Variants in MAML2 observed in about 807,000 individuals in gnomAD.
The protein encoded by MAML2 is mastermind like transcriptional coactivator 2, also known as mastermind-like protein 2.
In MAML2, 22 loss-of-function variants were observed where a neutral mutation model predicts 96.1. The ratio of observed to expected loss-of-function variants is 0.23; its 90% CI spans 0.16 to 0.33. MAML2 has a LOEUF of 0.33. MAML2 is among the 10% of genes least tolerant of loss of function. The probability of loss-of-function intolerance (pLI) is 1.00; values close to 1 mark genes in which losing one functional copy is unlikely to be tolerated. For missense variants in MAML2, 1,367 were observed against 1,392.4 expected (o/e 0.98, Z 0.29); for synonymous variants, 561 against 521.3 (o/e 1.08, Z -1.04).
chr11:96,260,433 C>T (rs1045021454), intron 1 of MAML2, among the ~76,000 whole-genome samples: 10 of 152,076 alleles, frequency 6.6e-5, no homozygotes, highest in Non-Finnish European at 1.0e-4. Flanking sequence ...ACATTTTTTT[C>T]TTCAGTGTCT....
At chr11:96,086,302 C>T (rs866364592) in intron 2 of MAML2, among the ~76,000 whole-genome samples, 12 of 152,150 alleles carry the variant, frequency 7.9e-5, no homozygotes, top group African/African-American at 2.9e-4. Flanking sequence ...GGTTTCATCC[C>T]ATTGTGAAAC....
At chr11:96,156,455 TG>T (rs1861013116) in intron 1 of MAML2, among the ~76,000 whole-genome samples, 1 of 152,188 alleles carries the variant, frequency 6.6e-6, no homozygotes, top group Admixed American at 6.5e-5. Context: ...ATTGTTGGGA[TG>T]GCTGCCCCTG....
chr11:96,254,365 G>A (rs182399485), intron 1 of MAML2, among the ~76,000 whole-genome samples: 25 of 151,892 alleles, frequency 1.6e-4, no homozygotes, highest in Admixed American at 1.6e-3. Flanking sequence ...AGGGGCGAGT[G>A]GGAGTGCGAA....
chr11:96,212,108 A>AGTGTGTGTGTGTGTGT (rs72133828), intron 1 of MAML2, among the ~76,000 whole-genome samples: 19 of 134,242 alleles, frequency 1.4e-4, no homozygotes, highest in African/African-American at 4.0e-4. Flanking sequence ...AGGAAGACAA[A>AGTGTGTGTGTGTGTGT]GTGTGTGTGT....
intron 3 of MAML2, among the ~76,000 whole-genome samples, chr11:95,988,984 G>A (rs567930108): frequency 7.2e-5 from 11 of 152,206 alleles, no homozygotes; most frequent in South Asian, 4.1e-4. Flanking sequence ...GATAATTATA[G>A]GACCTCCCTC....
Position 96,342,523 on chromosome 11 carries a change from C to A in MAML2, c.-628G>T. The A allele has an allele frequency of 2.5e-6, 1 of 398,130 alleles. No individual in the cohort carries two copies. Among genetic ancestry groups the A allele is most frequent in the South Asian group, 1.3e-4 (1 of 7,622 alleles). 24.7% of individuals were successfully genotyped at this position (398,130 alleles called of 1,614,324 possible). A position where few individuals can be genotyped will look rare whatever the true frequency, so the allele number is the denominator to read the frequency against. ...GTCACTGTTCAAAATGTGCAAAAAT[C>A]AAGGGAGACTGTCTTTTGGCTTTTA... is the stretch of plus-strand genomic sequence containing the variant. On this transcript the variant is annotated 5_prime_UTR_variant, in exon 1 of 5. Coordinates refer to ENST00000524717, the MANE Select transcript of MAML2 (RefSeq NM_032427.4).
chr11:96,307,145 A>AG (rs2136001970), intron 1 of MAML2, among the ~76,000 whole-genome samples: 1 of 152,296 alleles, frequency 6.6e-6, no homozygotes, highest in South Asian at 2.1e-4. Context: ...TGGCAACATC[A>AG]CAGTCACCAA....
chr11:96,002,686 G>GAT, intron 2 of MAML2, among the ~76,000 whole-genome samples: 1 of 139,998 alleles, frequency 7.1e-6, no homozygotes, highest in South Asian at 2.4e-4. Context: ...TGATGGGGAT[G>GAT]GTGGGGAGCA....
chr11:96,258,311 A>G (rs1862696979), intron 1 of MAML2, among the ~76,000 whole-genome samples: 1 of 152,250 alleles, frequency 6.6e-6, no homozygotes, highest in Non-Finnish European at 1.5e-5. Context: ...CACTCCTGAC[A>G]TGGGAGAAAA....
intron 1 of MAML2, among the ~76,000 whole-genome samples, chr11:96,300,953 GAATA>G (rs1191970586): frequency 1.3e-5 from 2 of 152,176 alleles, no homozygotes; most frequent in African/African-American, 2.4e-5. Context: ...TGTACAATGA[GAATA>G]AATAGTTACC....
At chr11:96,008,191 G>A (rs1382738228) in intron 2 of MAML2, among the ~76,000 whole-genome samples, 6 of 136,914 alleles carry the variant, frequency 4.4e-5, no homozygotes, top group Admixed American at 7.1e-5. Context: ...ACAGATTTAC[G>A]TGAACTTTTA....
At chr11:96,097,411 T>C (rs931075324) in intron 1 of MAML2, among the ~76,000 whole-genome samples, 1 of 152,106 alleles carries the variant, frequency 6.6e-6, no homozygotes, top group Non-Finnish European at 1.5e-5. Context: ...TTTGGGTGGC[T>C]GGAAGAAAAG....
chr11:96,179,423 C>T (rs1320274744), intron 1 of MAML2, among the ~76,000 whole-genome samples: 3 of 152,022 alleles, frequency 2.0e-5, no homozygotes, highest in Non-Finnish European at 2.9e-5. Context: ...TTTCTTTAAC[C>T]CCCTCCTCCC....
intron 1 of MAML2, among the ~76,000 whole-genome samples, chr11:96,142,764 G>A (rs770388834): frequency 6.6e-6 from 1 of 152,116 alleles, no homozygotes; most frequent in East Asian, 1.9e-4. Context: ...TCCTCTTGAC[G>A]TATCTCTCCA....
intron 2 of MAML2, among the ~76,000 whole-genome samples, chr11:96,004,223 A>G (rs561981): frequency 0.24 from 35,976 of 152,060 alleles, 4,572 homozygotes; most frequent in East Asian, 0.39. Context: ...AACATTTTCT[A>G]TTCTCATTAA....
chr11:96,185,992 T>G (rs1861570133), intron 1 of MAML2, among the ~76,000 whole-genome samples: 1 of 152,216 alleles, frequency 6.6e-6, no homozygotes. Flanking sequence ...CCAGACCTAC[T>G]GGGTCAGAAT....
chr11:96,187,639 C>T (rs1353764805), intron 1 of MAML2, among the ~76,000 whole-genome samples: 1 of 151,946 alleles, frequency 6.6e-6, no homozygotes, highest in East Asian at 1.9e-4. Flanking sequence ...AGTAAAAATA[C>T]AAAAATTAGC....
At chr11:96,121,837 G>A (rs1340870981) in intron 1 of MAML2, among the ~76,000 whole-genome samples, 1 of 112,610 alleles carries the variant, frequency 8.9e-6, no homozygotes, top group African/African-American at 3.5e-5. Flanking sequence ...CCCAGGCTGG[G>A]GTGCAGTGGC....
chr11:96,148,135 C>T (rs961082426), intron 1 of MAML2, among the ~76,000 whole-genome samples: 1 of 152,188 alleles, frequency 6.6e-6, no homozygotes, highest in South Asian at 2.1e-4. Flanking sequence ...TTAAAAGGAA[C>T]CCTCTTCCCC....
Sources: allele counts gnomAD v4.1 joint callset (sites outside exome capture counted in the v4.1 genomes callset), GRCh38; gene constraint gnomAD v4.1.1; transcripts MANE v1.5; gene names NCBI Gene and HGNC (gene_info 2026-07-23, HGNC 2026-07-21).